FAM107A: variants seen among roughly 807,000 people sequenced by gnomAD.
FAM107A encodes the protein actin-associated protein FAM107A.
Under a neutral mutation model 13.7 loss-of-function variants are expected in FAM107A, and 19 were observed. That is an observed-to-expected ratio of 1.38 (90% CI 0.97 to 2.03). The LOEUF is 2.03. FAM107A is among the 30% of genes most tolerant of loss of function. The pLI is 0.00. For missense variants in FAM107A, 203 were observed against 184.4 expected (o/e 1.10, Z -0.58); for synonymous variants, 82 against 74.5 (o/e 1.10, Z -0.52).
intron 1 of FAM107A, among the ~76,000 whole-genome samples, chr3:58,608,441 C>A (rs2065818994): frequency 6.6e-6 from 1 of 152,184 alleles, no homozygotes; most frequent in Admixed American, 6.5e-5. Context: ...CAGATCTTTT[C>A]CCAGAACAAC....
rs2063600214 is a variant in FAM107A, at chr3:58,564,404, C to A, written c.*2184G>T. On this transcript the variant is annotated 3_prime_UTR_variant, in exon 4 of 4. Transcript: ENST00000360997. The surrounding 1 kb of genome is among the most constrained non-coding windows in gnomAD (Gnocchi z 5.6). ...TCATTGGCCACACCTGATCACATAG[C>A]CATCCTAAGCTGCAAAGGAGACTGG... 6.6e-6 allele frequency: 1 copy of A among 152,250 alleles called. No homozygotes were observed. Among genetic ancestry groups the A allele is most frequent in the Non-Finnish European group, 1.5e-5 (1 of 68,054 alleles). The allele number at this position is 152,250 out of a possible 1,614,324, so 9.4% of individuals were successfully genotyped here.
At chr3:58,606,340 C>T (rs1044998938) in intron 1 of FAM107A, among the ~76,000 whole-genome samples, 3 of 152,248 alleles carry the variant, frequency 2.0e-5, no homozygotes, top group Non-Finnish European at 4.4e-5. Flanking sequence ...AAGTGATCCA[C>T]CTGCCTTGGC....
At chr3:58,585,172 G>T (rs1240206243) in intron 1 of FAM107A, among the ~76,000 whole-genome samples, 1 of 152,196 alleles carries the variant, frequency 6.6e-6, no homozygotes, top group East Asian at 1.9e-4. Flanking sequence ...GCTATTCTGC[G>T]TGGGTTGATA....
At chr3:58,592,750 C>T (rs1157438700) in intron 1 of FAM107A, among the ~76,000 whole-genome samples, 2 of 152,212 alleles carry the variant, frequency 1.3e-5, no homozygotes, top group Non-Finnish European at 2.9e-5. Context: ...TTAAAAAGGA[C>T]TGGACAGTAC....
chr3:58,572,146 A>G (rs1050513268), intron 1 of FAM107A, among the ~76,000 whole-genome samples: 1 of 152,196 alleles, frequency 6.6e-6, no homozygotes, highest in Non-Finnish European at 1.5e-5. Context: ...GACCACTGAG[A>G]AAGTGCGTAA....
At chr3:58,570,583 C>CAG (rs371909507) in intron 1 of FAM107A, among the ~76,000 whole-genome samples, 3,948 of 90,312 alleles carry the variant, frequency 0.044, 86 homozygotes, top group Middle Eastern at 0.068. Flanking sequence ...GCAAATACAG[C>CAG]AGAGAGAGAG....
intron 1 of FAM107A, among the ~76,000 whole-genome samples, chr3:58,593,994 C>T (rs1347155884): frequency 6.6e-6 from 1 of 151,974 alleles, no homozygotes; most frequent in Non-Finnish European, 1.5e-5. Context: ...TATTTGGACC[C>T]CTCACAACAC....
At chr3:58,620,143 C>T (rs1399856990) in intron 1 of FAM107A, among the ~76,000 whole-genome samples, 2 of 152,172 alleles carry the variant, frequency 1.3e-5, no homozygotes, top group Non-Finnish European at 2.9e-5. Flanking sequence ...AATCAAACGG[C>T]CTCCCTTCCC....
chr3:58,579,619 C>T (rs2065506358), upstream of FAM107A, among the ~76,000 whole-genome samples: 1 of 152,140 alleles, frequency 6.6e-6, no homozygotes, highest in Non-Finnish European at 1.5e-5. Flanking sequence ...TTGAATATTT[C>T]CTAGGGTCTT....
At chr3:58,580,248 G>A (rs924278150), upstream of FAM107A, among the ~76,000 whole-genome samples, 1 of 151,618 alleles carries the variant, frequency 6.6e-6, no homozygotes, top group African/African-American at 2.4e-5. Flanking sequence ...AAAAAAGTTG[G>A]TATATGTATA....
At chr3:58,584,790 A>G (rs1306554715) in intron 1 of FAM107A, among the ~76,000 whole-genome samples, 1 of 152,250 alleles carries the variant, frequency 6.6e-6, no homozygotes, top group Non-Finnish European at 1.5e-5. Context: ...TCATCTACAT[A>G]GGACGTACAC....
At position 58,613,832 on chromosome 3, in the gene FAM107A, G is replaced by C. The variant is rs1236033436; in HGVS notation, c.-70+13584C>G. Among the ~76,000 whole-genome samples, 1 of 152,218 alleles carries C rather than the reference G, an allele frequency of 6.6e-6. No individual in the cohort carries two copies. The highest frequency in any genetic ancestry group is 1.5e-5 in the Non-Finnish European group (1 of 68,032). On this transcript the variant is annotated intron_variant, in intron 1 of 3. Transcript: ENST00000465970. The surrounding 1 kb of genome is among the most constrained non-coding windows in gnomAD (Gnocchi z 4.6). ...ACTGATGGGCAGGAGGCAGAAGGCG[G>C]AAGTCCAGCCCTTACGGCCTGTCCA...
intron 1 of FAM107A, among the ~76,000 whole-genome samples, chr3:58,575,869 G>T (rs2063726468): frequency 6.6e-6 from 1 of 152,206 alleles, no homozygotes; most frequent in Non-Finnish European, 1.5e-5. Flanking sequence ...AGGACCAGCT[G>T]GTGGCCTTCC....
At chr3:58,577,785 A>G (rs2063742955), upstream of FAM107A, 1 of 964,992 alleles carries the variant, frequency 1.0e-6, no homozygotes, top group South Asian at 4.8e-5. The surrounding 1 kb of genome is among the most constrained non-coding windows in gnomAD (Gnocchi z 4.9). Flanking sequence ...TCTTCAGGAG[A>G]AAATGGCTCT....
intron 1 of FAM107A, among the ~76,000 whole-genome samples, chr3:58,599,744 A>G (rs2065738354): frequency 1.3e-5 from 1 of 79,128 alleles, no homozygotes; most frequent in Non-Finnish European, 2.7e-5. Context: ...TTGAGACGGG[A>G]TCCCGCTCTG....
At chr3:58,626,505 T>G (rs1028959496) in intron 1 of FAM107A, among the ~76,000 whole-genome samples, 4 of 152,226 alleles carry the variant, frequency 2.6e-5, no homozygotes. Flanking sequence ...TCCAAGGTAG[T>G]GATTATTATT....
intron 1 of FAM107A, among the ~76,000 whole-genome samples, chr3:58,624,195 C>A (rs1190685566): frequency 2.6e-5 from 4 of 152,242 alleles, no homozygotes; most frequent in African/African-American, 7.2e-5. Flanking sequence ...GGCATCAATG[C>A]ATGCCCAGTG....
chr3:58,567,420 C>A (rs1380779862), intron 2 of FAM107A, 56 bp from the exon 3 acceptor site: 2 of 1,553,876 alleles, frequency 1.3e-6, no homozygotes, highest in Non-Finnish European at 1.7e-6. Context: ...CTTCCCCCAG[C>A]CTCAGGGCTG....
chr3:58,567,027 C>T (rs1343255248), intron 3 of FAM107A, 181 bp downstream of exon 3: 1 of 709,958 alleles, frequency 1.4e-6, no homozygotes, highest in Admixed American at 2.4e-5. Context: ...AGGGAAGCCA[C>T]TCGCCCTAAG....
Sources: gnomAD v4.1 joint callset for allele counts (sites outside exome capture counted in the v4.1 genomes callset) on GRCh38, gnomAD v4.1.1 for gene constraint, Gnocchi (gnomAD v3.1) non-coding constraint, MANE v1.5 for transcripts, NCBI Gene and HGNC (gene_info 2026-07-23, HGNC 2026-07-21) for gene names.